Variants in OASL observed in about 807,000 individuals in gnomAD.
The protein encoded by OASL is 2'-5'-oligoadenylate synthase-like protein.
A neutral mutation model predicts 35.3 loss-of-function variants in OASL; 28 were observed. The observed-to-expected ratio is 0.79, with a 90% CI of 0.59 to 1.09. The LOEUF (loss-of-function observed/expected upper bound fraction) is 1.09, where lower values mean the gene tolerates loss of function less well. OASL is among the 50% of genes least tolerant of loss of function. OASL has a pLI of 0.00. For missense variants in OASL, 620 were observed against 635.2 expected, an observed-to-expected ratio of 0.98 and a Z score of 0.26; for synonymous variants, 252 against 254.6, an observed-to-expected ratio of 0.99 and a Z score of 0.10.
At chr12:121,032,910 T>G (rs1198454178) in intron 2 of OASL, among the ~76,000 whole-genome samples, 4 of 150,916 alleles carry the variant, frequency 2.7e-5, no homozygotes, top group South Asian at 4.1e-4. Context: ...TGCAATCATG[T>G]TTTTTTGTTT....
Position 121,029,330 on chromosome 12 carries a change from T to G in OASL, c.658-1513A>C, listed in dbSNP as rs536634495. ...TAAATGAAACCTTGGGCCTTTCCTATAGGTCACTGACTTACTAACAAAAAA... is the reference window on the plus strand; with the variant it reads ...TAAATGAAACCTTGGGCCTTTCCTAGAGGTCACTGACTTACTAACAAAAAA... On this transcript the variant is annotated intron_variant, in intron 3 of 5. Coordinates refer to ENST00000257570, the Ensembl canonical transcript of OASL. Among the ~76,000 whole-genome samples the G allele has an allele frequency of 5.3e-5, 8 of 152,258 alleles. No homozygotes were observed. In the South Asian group the frequency reaches 1.7e-3, roughly 32 times the overall value.
rs750777024 is a variant in OASL, at chr12:121,038,782, C to T, written c.190G>A (p.Val64Ile). 3 of 1,614,070 alleles carry T rather than the reference C, an allele frequency of 1.9e-6. No homozygotes were observed. Among genetic ancestry groups the T allele is most frequent in the Middle Eastern group, 1.6e-4 (1 of 6,062 alleles). Residue 64 changes from valine (V) to isoleucine (I), a missense_variant, in exon 1 of 6, where the codon GTA becomes ATA. Transcript: ENST00000257570. The stretch of plus-strand genomic sequence containing the variant: ...GAGGAGCCCAGTCTTACCTTGACTA[C>T]CTTCAGCACCCGCACATCCTGGTCC...
chr12:121,027,910 G>T, intron 3 of OASL, 93 bp from the exon 4 acceptor site: 1 of 1,081,046 alleles, frequency 9.3e-7, no homozygotes, highest in South Asian at 1.4e-5. Context: ...CCAAGTTCTA[G>T]TCCTGGCTCT....
chr12:121,031,585 CA>C lies in OASL; in HGVS notation c.513del (p.Glu172ArgfsTer4), dbSNP rs1297583735. ...GCCTTGATCAGGCTCACATAGACCT[CA>C]GGGGGTGGCTGGGAGTTGGGAAGAG... On this transcript the variant is annotated frameshift_variant, in exon 3 of 6. Coordinates refer to ENST00000257570, the Ensembl canonical transcript of OASL. LOFTEE classifies it high-confidence loss of function. 1.9e-6 allele frequency: 3 copies of C among 1,613,670 alleles called. No individual in the cohort carries two copies. The highest frequency in any genetic ancestry group is 2.2e-5 in the East Asian group (1 of 44,872).
At chr12:121,027,748 C>T in exon 4 of OASL, 1 of 1,614,142 alleles carries the variant, frequency 6.2e-7, no homozygotes, top group Non-Finnish European at 8.5e-7. Flanking sequence ...ATTTCCCAGG[C>T]ATAGATGGTT....
intron 2 of OASL, among the ~76,000 whole-genome samples, chr12:121,032,558 A>G (rs962646636): frequency 6.6e-6 from 1 of 152,182 alleles, no homozygotes; most frequent in Non-Finnish European, 1.5e-5. Flanking sequence ...GGTTCGCTCC[A>G]TAATGGGACT....
chr12:121,033,617 A>G lies in OASL; in HGVS notation c.325T>C (p.Trp109Arg), dbSNP rs768970379. 3.9e-5 allele frequency: 63 copies of G among 1,614,044 alleles called. No individual in the cohort carries two copies. Among genetic ancestry groups the G allele is most frequent in the Non-Finnish European group, 5.2e-5 (61 of 1,180,046 alleles). ...TCCTGGCTTTGCCACATGGTTTTCC[A>G]TATCAGCCTCAGAACATCTTTGTGA... The change falls in exon 2 of 6, where the codon TGG becomes CGG. Residue 109 changes from tryptophan (W) to arginine (R), a missense_variant. Transcript: ENST00000257570.
chr12:121,038,999 C>A (rs1382033360), exon 1 of OASL: 1 of 1,600,678 alleles, frequency 6.2e-7, no homozygotes, highest in Non-Finnish European at 8.6e-7. Context: ...CGCTGCTGGG[C>A]AGATATATAG....
chr12:121,030,887 GC>G (rs1869698979), intron 3 of OASL, among the ~76,000 whole-genome samples: 1 of 152,110 alleles, frequency 6.6e-6, no homozygotes, highest in African/African-American at 2.4e-5. Flanking sequence ...TGTAATCCCA[GC>G]ACTTTGGGAG....
At chr12:121,035,452 G>C (rs986299928) in intron 1 of OASL, among the ~76,000 whole-genome samples, 1 of 151,916 alleles carries the variant, frequency 6.6e-6, no homozygotes, top group Admixed American at 6.6e-5. Flanking sequence ...TTGAACCCAG[G>C]AGGCAGAGGT....
At chr12:121,020,126 T>G in exon 6 of OASL, 1 of 155,274 alleles carries the variant, frequency 6.4e-6, no homozygotes. Context: ...TAAACGGATT[T>G]ACTTATTTTT....
At chr12:121,031,767 T>C (rs956706419) in intron 2 of OASL, 150 bp from the exon 3 acceptor site, 2 of 627,148 alleles carry the variant, frequency 3.2e-6, no homozygotes, top group South Asian at 2.3e-5. Context: ...AGGTTTGCCT[T>C]GTCTAATTGT....
At position 121,024,101 on chromosome 12, in the gene OASL, G is replaced by A. The variant is rs772695285; in HGVS notation, c.936C>T (p.Asn312=). 1.1e-5 allele frequency: 17 copies of A among 1,614,022 alleles called. No homozygotes were observed. The highest frequency in any genetic ancestry group is 1.6e-4 in the Middle Eastern group (1 of 6,084). The change falls in exon 5 of 6, where the codon AAC becomes AAT. Residue 312 remains asparagine, a synonymous_variant. Coordinates refer to ENST00000257570, the Ensembl canonical transcript of OASL. ...TGTCCCATCTGTACCCTTCTGCCACGTTGAGGGTGGGGTCGGCCGGATCCA... is the reference window on the plus strand; with the variant it reads ...TGTCCCATCTGTACCCTTCTGCCACATTGAGGGTGGGGTCGGCCGGATCCA...
At chr12:121,026,883 C>T (rs1869508803) in intron 4 of OASL, among the ~76,000 whole-genome samples, 1 of 151,662 alleles carries the variant, frequency 6.6e-6, no homozygotes, top group Non-Finnish European at 1.5e-5. Context: ...CGCAATGAGA[C>T]CCAGATTCCT....
intron 2 of OASL, 98 bp from the exon 3 acceptor site, chr12:121,031,715 T>C: frequency 9.9e-7 from 1 of 1,010,826 alleles, no homozygotes; most frequent in Non-Finnish European, 1.5e-6. Context: ...ATTGGAAGTA[T>C]CCCTCCAGGG....
At chr12:121,036,470 A>G (rs1869961568) in intron 1 of OASL, among the ~76,000 whole-genome samples, 1 of 152,148 alleles carries the variant, frequency 6.6e-6, no homozygotes, top group African/African-American at 2.4e-5. Context: ...GGCTTAGGTA[A>G]ATAGCATTTC....
At chr12:121,024,470 T>G (rs1869397788) in intron 4 of OASL, among the ~76,000 whole-genome samples, 1 of 151,946 alleles carries the variant, frequency 6.6e-6, no homozygotes, top group African/African-American at 2.4e-5. Flanking sequence ...TACAAAAAAT[T>G]AGCCAGGTGT....
chr12:121,031,717 C>T, intron 2 of OASL, 100 bp from the exon 3 acceptor site: 1 of 950,448 alleles, frequency 1.1e-6, no homozygotes, highest in Non-Finnish European at 1.6e-6. Context: ...TGGAAGTATC[C>T]CTCCAGGGAC....
chr12:121,018,779 A>G (rs994007616), downstream of OASL, among the ~76,000 whole-genome samples: 12 of 149,400 alleles, frequency 8.0e-5, no homozygotes, highest in African/African-American at 3.0e-4. Context: ...CTGAGGCAGG[A>G]GAATCGCTTG....
Sources: allele counts gnomAD v4.1 joint callset (sites outside exome capture counted in the v4.1 genomes callset), GRCh38; gene constraint gnomAD v4.1.1; transcripts MANE v1.5; gene names NCBI Gene and HGNC (gene_info 2026-07-23, HGNC 2026-07-21).